Variants in ZNF358 observed in about 807,000 individuals in gnomAD.
ZNF358 encodes zinc finger protein 358.
In ZNF358, 1 loss-of-function variant was observed where a neutral mutation model predicts 2.1. The ratio of observed to expected loss-of-function variants is 0.49; its 90% confidence interval spans 0.17 to 2.30. ZNF358 has a LOEUF of 2.30. Ranked by LOEUF, ZNF358 falls within the 30% of genes most tolerant of loss-of-function variation. ZNF358 has a pLI of 0.26. For synonymous variants in ZNF358, 381 were observed against 359.7 expected (o/e 1.06, Z -0.67); for missense variants, 665 against 806.8 (o/e 0.82, Z 2.13).
In ZNF358 at chr19:7,520,268, G is replaced by A. The variant is rs1186801173; in HGVS notation, c.1026G>A (p.Thr342=). 3.1e-6 allele frequency: 5 copies of A among 1,609,216 alleles called. No homozygotes were observed. Among genetic ancestry groups the A allele is most frequent in the Non-Finnish European group, 4.2e-6 (5 of 1,179,528 alleles). ...SNLQHHLRIH[T]GERPYACPHC... ...TGCAACACCACCTGCGCATCCACAC[G>A]GGCGAGCGGCCCTACGCCTGCCCGC... Residue 342 remains threonine (T), a synonymous_variant, in exon 2 of 2, where the codon ACG becomes ACA. Transcript: ENST00000597229. The surrounding 1 kb of genome is among the most constrained non-coding windows in gnomAD (Gnocchi z 6.0).
In ZNF358 at chr19:7,520,451, T is replaced by TGCAGCTGCCGCGGCCGCTGCAGCTGCA. The variant is rs552712605; in HGVS notation, c.1215_1241dup (p.Ala408_Ala416dup). The TGCAGCTGCCGCGGCCGCTGCAGCTGCA allele has an allele frequency of 3.4e-5, 45 of 1,326,588 alleles. No homozygotes were observed. Among genetic ancestry groups the TGCAGCTGCCGCGGCCGCTGCAGCTGCA allele is most frequent in the African/African-American group, 8.1e-5 (5 of 62,106 alleles). 82.2% of individuals were successfully genotyped at this position (1,326,588 alleles called of 1,614,324 possible). On this transcript the variant is annotated inframe_insertion, in exon 2 of 2. Coordinates refer to ENST00000597229, the MANE Select transcript of ZNF358 (RefSeq NM_018083.5). The surrounding 1 kb of genome is among the most constrained non-coding windows in gnomAD (Gnocchi z 6.0). ...GGGTGCATGAGGGTGCAGCCGCTGC[T>TGCAGCTGCCGCGGCCGCTGCAGCTGCA]GCAGCTGCCGCGGCCGCTGCAGCTG...
At position 7,516,509 on chromosome 19, in the gene ZNF358, G is replaced by A. The variant is rs937099130; in HGVS notation, c.-39+260G>A. On this transcript the variant is annotated intron_variant, in intron 1 of 1. Coordinates refer to ENST00000597229, the MANE Select transcript of ZNF358 (RefSeq NM_018083.5). The surrounding 1 kb of genome is among the most constrained non-coding windows in gnomAD (Gnocchi z 5.9). ...GCCAGGAGGTTGGGAGCCTTCAATC[G>A]GGCGGGGTGGGGGGCGCCCGCCAGC... Among the ~76,000 whole-genome samples, 1 of 151,894 alleles carries A rather than the reference G, an allele frequency of 6.6e-6. No individual in the cohort carries two copies. Among genetic ancestry groups the A allele is most frequent in the Non-Finnish European group, 1.5e-5 (1 of 67,900 alleles).
rs1285321147 is a variant in ZNF358 at position 7,519,519 on chromosome 19, G to C, written c.277G>C (p.Asp93His). ...TCCCGACCCCATGTCTTCGAGTTTCGACCTCGATCCAGATGTGATTGGCCC... is the reference window on the plus strand; with the variant it reads ...TCCCGACCCCATGTCTTCGAGTTTCCACCTCGATCCAGATGTGATTGGCCC... ...QDPDPMSSSF[D>H]LDPDVIGPVP... The change falls in exon 2 of 2, where the codon GAC becomes CAC. Residue 93 changes from aspartate (D) to histidine (H), a missense_variant. By Grantham distance (81) the Asp-to-His change is moderately conservative. Transcript: ENST00000597229. The C allele has an allele frequency of 6.2e-7, 1 of 1,610,698 alleles. No individual in the cohort carries two copies. The highest frequency in any genetic ancestry group is 8.5e-7 in the Non-Finnish European group (1 of 1,179,964).
At position 7,520,284 on chromosome 19, in the gene ZNF358, G is replaced by C; in HGVS notation, c.1042G>C (p.Ala348Pro). ...CATCCACACGGGCGAGCGGCCCTAC[G>C]CCTGCCCGCACTGCTCCAAGGCCTT... Reference protein sequence around the residue: ...LRIHTGERPYACPHCSKAFGQ... With the variant: ...LRIHTGERPYPCPHCSKAFGQ... The change falls in exon 2 of 2, where the codon GCC becomes CCC. Residue 348 changes from alanine (A) to proline (P), a missense_variant. Transcript: ENST00000597229. This position sits in a 1 kb window ranked among gnomAD's most constrained non-coding sequence, Gnocchi z 6.0. 1 of 1,608,446 alleles carries C rather than the reference G, an allele frequency of 6.2e-7. No homozygotes were observed. The highest frequency in any genetic ancestry group is 8.5e-7 in the Non-Finnish European group (1 of 1,179,034).
chr19:7,520,681 C>T lies in ZNF358; in HGVS notation c.1439C>T (p.Pro480Leu), dbSNP rs1184201047. 2 of 1,612,932 alleles carry T rather than the reference C, an allele frequency of 1.2e-6. No homozygotes were observed. The highest frequency in any genetic ancestry group is 1.7e-6 in the Non-Finnish European group (2 of 1,179,542). The change falls in exon 2 of 2, where the codon CCC becomes CTC. Residue 480 changes from proline (P) to leucine (L), a missense_variant. Around this residue, in one of 3 missense-constraint regions of ZNF358, gnomAD observed 249 missense variants for 227.6 expected, o/e 1.09. Transcript: ENST00000597229. The surrounding 1 kb of genome is among the most constrained non-coding windows in gnomAD (Gnocchi z 6.0). Reference sequence around the variant, plus strand: ...CCGGATCCCAGCTCCAAACCCCTCCCCGGCTCCAGATCCACCCCCAGCCCT... The same window carrying T: ...CCGGATCCCAGCTCCAAACCCCTCCTCGGCTCCAGATCCACCCCCAGCCCT... ...TLPDPSSKPL[P>L]GSRSTPSPTP...
rs888536212 is a variant in ZNF358 at position 7,520,292 on chromosome 19, G to T, written c.1050G>T (p.Pro350=). The part of the protein sequence containing the change: ...IHTGERPYAC[P]HCSKAFGQSS... ...CGGGCGAGCGGCCCTACGCCTGCCCGCACTGCTCCAAGGCCTTCGGCCAGA... is the reference window on the plus strand; with the variant it reads ...CGGGCGAGCGGCCCTACGCCTGCCCTCACTGCTCCAAGGCCTTCGGCCAGA... Residue 350 remains proline (P), a synonymous_variant, in exon 2 of 2, where the codon CCG becomes CCT. Coordinates refer to ENST00000597229, the MANE Select transcript of ZNF358 (RefSeq NM_018083.5). This position sits in a 1 kb window ranked among gnomAD's most constrained non-coding sequence, Gnocchi z 6.0. 2.5e-6 allele frequency: 4 copies of T among 1,610,566 alleles called. No individual in the cohort carries two copies. The highest frequency in any genetic ancestry group is 3.4e-6 in the Non-Finnish European group (4 of 1,179,604).
At position 7,520,490 on chromosome 19, in the gene ZNF358, C is replaced by T. The variant is rs1246733147; in HGVS notation, c.1248C>T (p.Ala416=). Residue 416 remains alanine, a synonymous_variant, in exon 2 of 2, where the codon GCC becomes GCT. Transcript: ENST00000597229. The surrounding 1 kb of genome is among the most constrained non-coding windows in gnomAD (Gnocchi z 6.0). ...CCGCTGCAGCTGCAGCAGCGGCCGC[C>T]GGCCTGGGCCTCGGGCCTGGCCTAA... ...AAAAAAAAAA[A]GLGLGPGLSP... 4.1e-6 allele frequency: 5 copies of T among 1,219,310 alleles called. No homozygotes were observed. The highest frequency in any genetic ancestry group is 3.0e-5 in the Admixed American group (1 of 33,172). The allele number at this position is 1,219,310 out of a possible 1,614,324, so 75.5% of individuals were successfully genotyped here. A position where few individuals can be genotyped will look rare whatever the true frequency, so the allele number is the denominator to read the frequency against.
chr19:7,520,039 C>A lies in ZNF358; in HGVS notation c.797C>A (p.Pro266Gln), dbSNP rs11555038. ...GGCGGCCCGCGGCCCCACAAGTGCC[C>A]GGTGTGCGCCAAGGGCTTCGGCCAG... ...THGGPRPHKC[P>Q]VCAKGFGQGS... Residue 266 changes from proline (P) to glutamine (Q), a missense_variant, in exon 2 of 2, where the codon CCG becomes CAG. Coordinates refer to ENST00000597229, the MANE Select transcript of ZNF358 (RefSeq NM_018083.5). The surrounding 1 kb of genome is among the most constrained non-coding windows in gnomAD (Gnocchi z 6.0). 1.9e-6 allele frequency: 3 copies of A among 1,546,520 alleles called. No individual in the cohort carries two copies. Among genetic ancestry groups the A allele is most frequent in the African/African-American group, 1.4e-5 (1 of 73,014 alleles).
chr19:7,516,436 G>T lies in ZNF358; in HGVS notation c.-39+187G>T, dbSNP rs1331018336. 1.3e-5 allele frequency among the ~76,000 whole-genome samples: 2 copies of T among 151,412 alleles called. No homozygotes were observed. Among genetic ancestry groups the T allele is most frequent in the Admixed American group, 1.3e-4 (2 of 15,220 alleles). On this transcript the variant is annotated intron_variant, in intron 1 of 1. Coordinates refer to ENST00000597229, the MANE Select transcript of ZNF358 (RefSeq NM_018083.5). This position sits in a 1 kb window ranked among gnomAD's most constrained non-coding sequence, Gnocchi z 5.9. ...CGATGGGGAGGGGACTCTGCGGCCA[G>T]CTCCGGCCTAGCGCACCCATCCCGC...
intron 1 of ZNF358, among the ~76,000 whole-genome samples, chr19:7,518,597 A>AAGAAAGAAAGAAAGAC (rs1599245843): frequency 6.9e-6 from 1 of 144,382 alleles, no homozygotes; most frequent in African/African-American, 2.9e-5. Context: ...GAAAGAAAGA[A>AAGAAAGAAAGAAAGAC]AGAATTGAAG....
At chr19:7,517,159 G>A (rs1394674751) in intron 1 of ZNF358, among the ~76,000 whole-genome samples, 5 of 152,056 alleles carry the variant, frequency 3.3e-5, no homozygotes. Context: ...CATCCTCCCG[G>A]CAGGTCATCC....
At chr19:7,514,968 A>G (rs1191897957), upstream of ZNF358, among the ~76,000 whole-genome samples, 1 of 152,060 alleles carries the variant, frequency 6.6e-6, no homozygotes, top group African/African-American at 2.4e-5. Flanking sequence ...CTAGGGTGGT[A>G]TTGTCGGGAA....
chr19:7,518,595 G>GA (rs1051407655), intron 1 of ZNF358, among the ~76,000 whole-genome samples: 2 of 150,482 alleles, frequency 1.3e-5, no homozygotes, highest in African/African-American at 5.0e-5. Context: ...AAGAAAGAAA[G>GA]AAAGAATTGA....
In ZNF358 at chr19:7,519,933, G is replaced by A. The variant is rs2022433177; in HGVS notation, c.691G>A (p.Gly231Arg). Residue 231 changes from glycine (G) to arginine (R), a missense_variant, in exon 2 of 2, where the codon GGG (glycine) becomes AGG (arginine). Gly to Arg is a moderately radical substitution (Grantham distance 125). Transcript: ENST00000597229. ...TLLKHRSSHS[G>R]EKPHHCPVCG... ...GCTGAAACATCGCAGCAGCCACAGCGGGGAGAAGCCGCACCACTGCCCGGT... is the reference window on the plus strand; with the variant it reads ...GCTGAAACATCGCAGCAGCCACAGCAGGGAGAAGCCGCACCACTGCCCGGT... 6.6e-7 allele frequency: 1 copy of A among 1,525,266 alleles called. No homozygotes were observed. The highest frequency in any genetic ancestry group is 8.8e-7 in the Non-Finnish European group (1 of 1,141,690). The allele number at this position is 1,525,266 out of a possible 1,614,324, so 94.5% of individuals were successfully genotyped here.
At position 7,519,674 on chromosome 19, in the gene ZNF358, C is replaced by T; in HGVS notation, c.432C>T (p.Pro144=). The T allele has an allele frequency of 6.3e-7, 1 of 1,576,910 alleles. No homozygotes were observed. The highest frequency in any genetic ancestry group is 1.3e-5 in the African/African-American group (1 of 74,462). ...CCAGCCCCGCGGTGCTCCCCGCCCC[C>T]GCCAGCCCGCCCCGGCCCTTCTCCT... ...LATSPAVLPA[P]ASPPRPFSCP... is the part of the protein sequence containing the mutation. Residue 144 remains proline (P), a synonymous_variant, in exon 2 of 2, where the codon CCC becomes CCT. Coordinates refer to ENST00000597229, the MANE Select transcript of ZNF358 (RefSeq NM_018083.5).
In ZNF358 at chr19:7,518,470, AAAGGAAAGAAGG is replaced by A. The variant is rs748142343; in HGVS notation, c.-38-719_-38-708del. ...AAAAAAGAGAGACAGAGGGAGAGAG[AAAGGAAAGAAGG>A]AAGGAAAGAAGGAAGAAGAGAGAGA... is the stretch of plus-strand genomic sequence containing the variant. On this transcript the variant is annotated intron_variant, in intron 1 of 1. Coordinates refer to ENST00000597229, the MANE Select transcript of ZNF358 (RefSeq NM_018083.5). Among the ~76,000 whole-genome samples the A allele has an allele frequency of 1.8e-4, 27 of 150,852 alleles. 1 individual carries two copies. In the South Asian group the frequency reaches 1.9e-3, roughly 11 times the overall value.
rs756833227 is a variant in ZNF358 at position 7,520,613 on chromosome 19, C to T, written c.1371C>T (p.Ser457=). The T allele has an allele frequency of 6.7e-7, 1 of 1,489,258 alleles. No homozygotes were observed. Among genetic ancestry groups the T allele is most frequent in the Non-Finnish European group, 9.2e-7 (1 of 1,088,650 alleles). The allele number at this position is 1,489,258 out of a possible 1,614,324, so 92.3% of individuals were successfully genotyped here. A position where few individuals can be genotyped will look rare whatever the true frequency, so the allele number is the denominator to read the frequency against. Residue 457 remains serine, a synonymous_variant, in exon 2 of 2, where the codon AGC becomes AGT. Transcript: ENST00000597229. The surrounding 1 kb of genome is among the most constrained non-coding windows in gnomAD (Gnocchi z 6.0). ...GSGLGLSPGT[S]SGRNPDPGSG... ...GCTTGGGCCTCAGCCCTGGCACCAGCTCTGGCCGCAACCCTGACCCTGGCT... is the reference window on the plus strand; with the variant it reads ...GCTTGGGCCTCAGCCCTGGCACCAGTTCTGGCCGCAACCCTGACCCTGGCT...
chr19:7,520,780 A>T lies in ZNF358; in HGVS notation c.1538A>T (p.Asp513Val), dbSNP rs1214362367. 1 of 1,611,466 alleles carries T rather than the reference A, an allele frequency of 6.2e-7. No individual in the cohort carries two copies. Among genetic ancestry groups the T allele is most frequent in the East Asian group, 2.2e-5 (1 of 44,844 alleles). ...GPDLVPSPDL[D>V]PVPSPDPDPV... ...GACCTTGTGCCCAGCCCAGACCTTG[A>T]TCCTGTGCCCAGCCCAGACCCTGAT... The change falls in exon 2 of 2, where the codon GAT becomes GTT. Residue 513 changes from aspartate (D) to valine (V), a missense_variant. Physicochemically the swap from Asp to Val is radical, Grantham distance 152 (BLOSUM62 -3). Transcript: ENST00000597229. This position sits in a 1 kb window ranked among gnomAD's most constrained non-coding sequence, Gnocchi z 6.0.
rs761620782 is a variant in ZNF358 at position 7,520,053 on chromosome 19, G to T, written c.811G>T (p.Gly271Cys). Residue 271 changes from glycine to cysteine, a missense_variant, in exon 2 of 2, where the codon GGC (glycine) becomes TGC (cysteine). By Grantham distance (159) the Gly-to-Cys change is radical. This residue lies in a region of ZNF358 where 210 missense variants were observed against 350.8 expected (regional missense o/e 0.60). Transcript: ENST00000597229. The surrounding 1 kb of genome is among the most constrained non-coding windows in gnomAD (Gnocchi z 6.0). ...CCACAAGTGCCCGGTGTGCGCCAAG[G>T]GCTTCGGCCAGGGCTCTGCGCTGCT... is the stretch of plus-strand genomic sequence containing the variant. ...RPHKCPVCAK[G>C]FGQGSALLKH... 287 of 1,561,054 alleles carry T rather than the reference G, an allele frequency of 1.8e-4. No homozygotes were observed. Among genetic ancestry groups the T allele is most frequent in the Non-Finnish European group, 2.2e-4 (251 of 1,161,300 alleles).
Sources: gnomAD v4.1 joint callset for allele counts (sites outside exome capture counted in the v4.1 genomes callset) on GRCh38, gnomAD v4.1.1 for gene constraint, gnomAD v4.1.1 regional missense constraint, Gnocchi (gnomAD v3.1) non-coding constraint, MANE v1.5 for transcripts, NCBI Gene and HGNC (gene_info 2026-07-23, HGNC 2026-07-21) for gene names.